The following RUNX2 variants were observed in gnomAD, a reference collection of about 807,000 sequenced individuals.
RUNX2 encodes RUNX family transcription factor 2.
RUNX2 carries 10 observed loss-of-function variants against 51.7 expected under a neutral mutation model. The ratio of observed to expected loss-of-function variants is 0.19; its 90% CI spans 0.12 to 0.33. The LOEUF (loss-of-function observed/expected upper bound fraction) is 0.33, where lower values mean the gene tolerates loss of function less well. Ranked by LOEUF, RUNX2 falls within the 10% of genes least tolerant of loss-of-function variation. The pLI is 1.00. For synonymous variants in RUNX2, 276 were observed against 273.6 expected, an observed-to-expected ratio of 1.01 and a Z score of -0.09; for missense variants, 562 against 691.3, an observed-to-expected ratio of 0.81 and a Z score of 2.10.
At chr6:45,522,444 AC>A (rs66698320) in intron 7 of RUNX2, among the ~76,000 whole-genome samples, 10,150 of 152,034 alleles carry the variant, frequency 0.067, 651 homozygotes, top group African/African-American at 0.17. Context: ...TTAAAAAAAA[AC>A]AACAATCCCA....
chr6:45,415,030 C>G (rs1798037580), intron 2 of RUNX2, among the ~76,000 whole-genome samples: 1 of 151,930 alleles, frequency 6.6e-6, no homozygotes, highest in Non-Finnish European at 1.5e-5. Context: ...AGAGATAAAT[C>G]ATTTAATAGA....
intron 2 of RUNX2, among the ~76,000 whole-genome samples, chr6:45,360,252 A>G (rs913895288): frequency 6.6e-6 from 1 of 152,192 alleles, no homozygotes; most frequent in Non-Finnish European, 1.5e-5. Flanking sequence ...AAAGGGGAAT[A>G]ATAGCATCTA....
chr6:45,450,125 G>A (rs1212170983), intron 5 of RUNX2, among the ~76,000 whole-genome samples: 6 of 152,284 alleles, frequency 3.9e-5, no homozygotes, highest in East Asian at 1.9e-4. Context: ...AAAGGAGAGC[G>A]AATAACTGGA....
intron 2 of RUNX2, among the ~76,000 whole-genome samples, chr6:45,355,181 T>TA (rs1792915032): frequency 6.7e-6 from 1 of 149,450 alleles, no homozygotes; most frequent in Admixed American, 6.7e-5. Flanking sequence ...AGACTGGTCT[T>TA]AAACTCCTGG....
rs1338943931 is a variant in RUNX2 at position 45,415,861 on chromosome 6, ACTGATAACTGGCACAC to A, written c.59-6729_59-6714del. ...TGAATTTGGAGCTGCAAGACAATAA[ACTGATAACTGGCACAC>A]CTAGGGAAGAAAAATGATCTGGAAG... On this transcript the variant is annotated intron_variant, in intron 2 of 8. Coordinates refer to ENST00000647337, the MANE Select transcript of RUNX2 (RefSeq NM_001024630.4). Among the ~76,000 whole-genome samples the A allele has an allele frequency of 2.6e-4, 40 of 152,328 alleles. 1 individual carries two copies. The highest frequency in any genetic ancestry group is 9.6e-4 in the East Asian group (5 of 5,182).
intron 2 of RUNX2, among the ~76,000 whole-genome samples, chr6:45,408,024 A>G (rs1395018105): frequency 6.6e-6 from 1 of 152,214 alleles, no homozygotes; most frequent in Admixed American, 6.5e-5. Flanking sequence ...ACATAACTAC[A>G]TTATACTTTT....
intron 5 of RUNX2, among the ~76,000 whole-genome samples, chr6:45,457,100 G>A (rs991971026): frequency 6.6e-6 from 1 of 152,060 alleles, no homozygotes; most frequent in African/African-American, 2.4e-5. Context: ...AAAGTAAGTA[G>A]GAATCAGATA....
intron 2 of RUNX2, among the ~76,000 whole-genome samples, chr6:45,399,065 TTG>T (rs1797641105): frequency 6.6e-6 from 1 of 152,210 alleles, no homozygotes; most frequent in Admixed American, 6.5e-5. Context: ...AACAGTGAGT[TTG>T]AGTTGCTGGG....
chr6:45,428,838 C>CTT (rs66878438), intron 3 of RUNX2, among the ~76,000 whole-genome samples: 1,349 of 130,982 alleles, frequency 0.01, 11 homozygotes, highest in East Asian at 0.023. Flanking sequence ...GGGCAGATTG[C>CTT]TTTTTTTTTT....
At chr6:45,424,041 T>C (rs1798313804) in intron 3 of RUNX2, among the ~76,000 whole-genome samples, 3 of 152,266 alleles carry the variant, frequency 2.0e-5, no homozygotes, top group Admixed American at 1.3e-4. Context: ...CTCCTGCTTC[T>C]GAAAGGTGGT....
chr6:45,364,576 G>A (rs1222117017), intron 2 of RUNX2, among the ~76,000 whole-genome samples: 3 of 152,094 alleles, frequency 2.0e-5, no homozygotes, highest in Admixed American at 2.0e-4. Flanking sequence ...TAATAAATAT[G>A]CTACCTCTTA....
At position 45,439,685 on chromosome 6, in the gene RUNX2, A is replaced by ATG. The variant is rs1263689324; in HGVS notation, c.685+1644_685+1645dup. ...TTTGTGTGCGTGTGTGTGTGTGTGT[A>ATG]TGTGTGTGTGTATGTTTGTGTGTGT... On this transcript the variant is annotated intron_variant, in intron 5 of 8. Coordinates refer to ENST00000647337, the MANE Select transcript of RUNX2 (RefSeq NM_001024630.4). 5.3e-5 allele frequency among the ~76,000 whole-genome samples: 8 copies of ATG among 150,954 alleles called. No homozygotes were observed. In the East Asian group the frequency reaches 1.6e-3, roughly 29 times the overall value.
intron 7 of RUNX2, among the ~76,000 whole-genome samples, chr6:45,544,388 G>A (rs1802325303): frequency 6.6e-6 from 1 of 151,972 alleles, no homozygotes; most frequent in Admixed American, 6.5e-5. Flanking sequence ...AGTGGGGAGG[G>A]GTAAATTCAA....
chr6:45,382,694 C>T (rs1460437104), intron 2 of RUNX2, among the ~76,000 whole-genome samples: 3 of 152,130 alleles, frequency 2.0e-5, no homozygotes, highest in Non-Finnish European at 4.4e-5. Context: ...GGTGAAAGGC[C>T]TTGTGTGCCT....
At chr6:45,431,018 G>A (rs980378227) in intron 3 of RUNX2, among the ~76,000 whole-genome samples, 2 of 152,214 alleles carry the variant, frequency 1.3e-5, no homozygotes, top group African/African-American at 2.4e-5. Context: ...TCAGGTTAAA[G>A]TGTTATCTCT....
chr6:45,464,771 G>C (rs1415392509), intron 5 of RUNX2, among the ~76,000 whole-genome samples: 2 of 152,188 alleles, frequency 1.3e-5, no homozygotes, highest in African/African-American at 4.8e-5. Context: ...ATCAGAAGCT[G>C]TCATTTTCAT....
chr6:45,365,267 G>A, intron 2 of RUNX2: 1 of 1,612,030 alleles, frequency 6.2e-7, no homozygotes, highest in Non-Finnish European at 8.5e-7. Flanking sequence ...ACTTGAAGTT[G>A]CAGTAGACAT....
rs918883379 is a variant in RUNX2, at chr6:45,492,917, C to T, written c.859+803C>T. The stretch of plus-strand genomic sequence containing the variant: ...GAGAGCTGAAAGGAAGTTTACATGT[C>T]ATCTAATTGCTATCATTGGTAGAGG... On this transcript the variant is annotated intron_variant, in intron 6 of 8. Transcript: ENST00000647337. Among the ~76,000 whole-genome samples, 11 of 152,146 alleles carry T rather than the reference C, an allele frequency of 7.2e-5. No homozygotes were observed. The East Asian group carries it at 1.9e-3, about 27-fold the overall frequency.
chr6:45,495,057 G>T (rs1182844794), intron 6 of RUNX2, among the ~76,000 whole-genome samples: 1 of 152,132 alleles, frequency 6.6e-6, no homozygotes. Context: ...ATCCTCCAAG[G>T]CCACTGTGTT....
Sources: allele counts gnomAD v4.1 joint callset (sites outside exome capture counted in the v4.1 genomes callset), GRCh38; gene constraint gnomAD v4.1.1; transcripts MANE v1.5; gene names NCBI Gene and HGNC (gene_info 2026-07-23, HGNC 2026-07-21).